PTPN2: variants seen among roughly 807,000 people sequenced by gnomAD.
The protein encoded by PTPN2 is tyrosine-protein phosphatase non-receptor type 2.
In PTPN2, 19 loss-of-function variants were observed where a neutral mutation model predicts 57.3. The ratio of observed to expected loss-of-function variants is 0.33; its 90% CI spans 0.23 to 0.49. PTPN2 has a LOEUF of 0.49. PTPN2 is among the 20% of genes least tolerant of loss of function. The pLI, the probability that PTPN2 is intolerant of heterozygous loss-of-function variation, is 0.99. For missense variants in PTPN2, 358 were observed against 501.1 expected (o/e 0.71, Z 2.73); for synonymous variants, 153 against 164.9 (o/e 0.93, Z 0.55).
At chr18:12,862,159 T>TC (rs1450731165) in intron 1 of PTPN2, 1 of 151,576 alleles carries the variant, frequency 6.6e-6, no homozygotes, top group Non-Finnish European at 1.5e-5. Context: ...TCTCTTTCTT[T>TC]TTTTTTTTTT....
downstream of PTPN2, among the ~76,000 whole-genome samples, chr18:12,788,432 C>CTTTTTTT (rs71174142): frequency 0.21 from 18,432 of 89,700 alleles, 3,160 homozygotes; most frequent in South Asian, 0.4. Context: ...GGGATCAGGG[C>CTTTTTTT]TTTTTTTTTT....
intron 2 of PTPN2, among the ~76,000 whole-genome samples, chr18:12,842,558 G>A (rs1185759684): frequency 2.0e-5 from 3 of 152,230 alleles, no homozygotes; most frequent in East Asian, 1.9e-4. Context: ...TCAGTCTCAC[G>A]GATATTTTAG....
downstream of PTPN2, among the ~76,000 whole-genome samples, chr18:12,790,452 T>A (rs1346823187): frequency 2.0e-5 from 3 of 152,236 alleles, no homozygotes; most frequent in Non-Finnish European, 4.4e-5. Flanking sequence ...GCAGTCTTCC[T>A]TTGATAATTA....
chr18:12,841,007 A>T, intron 2 of PTPN2: 1 of 1,405,596 alleles, frequency 7.1e-7, no homozygotes, highest in Non-Finnish European at 9.3e-7. Context: ...ACATATTTTA[A>T]CCTATAGGGA....
intron 1 of PTPN2, among the ~76,000 whole-genome samples, chr18:12,872,048 C>CAA (rs61356876): frequency 3.5e-4 from 42 of 121,430 alleles, no homozygotes; most frequent in Non-Finnish European, 4.9e-4. Flanking sequence ...GACTCTGTCT[C>CAA]AAAAAAAAAA....
At chr18:12,870,307 A>G (rs2044158777) in intron 1 of PTPN2, among the ~76,000 whole-genome samples, 2 of 84,944 alleles carry the variant, frequency 2.4e-5, no homozygotes, top group African/African-American at 1.4e-4. Context: ...ATGTGTATAT[A>G]TACATATATA....
rs149723256 is a variant in PTPN2, at chr18:12,836,771, C to T, written c.261+20G>A. 9.1e-4 allele frequency: 1,285 copies of T among 1,419,138 alleles called. 9 individuals are homozygous for T. In the African/African-American group the frequency reaches 0.016, roughly 18 times the overall value. The allele number at this position is 1,419,138 out of a possible 1,614,324, so 87.9% of individuals were successfully genotyped here. A position where few individuals can be genotyped will look rare whatever the true frequency, so the allele number is the denominator to read the frequency against. ...CAAACACATCATTTTCAGACATTTG[C>T]GTGGTATCGTATTACTTGCCTGTGT... On this transcript the variant is annotated intron_variant, in intron 3 of 8. Transcript: ENST00000309660.
At chr18:12,870,409 A>G (rs2044193938) in intron 1 of PTPN2, among the ~76,000 whole-genome samples, 1 of 80,704 alleles carries the variant, frequency 1.2e-5, no homozygotes, top group Non-Finnish European at 2.1e-5. Flanking sequence ...ATACACGTAT[A>G]TATATGTATA....
chr18:12,873,949 G>C (rs1220352236), intron 1 of PTPN2, among the ~76,000 whole-genome samples: 3 of 149,780 alleles, frequency 2.0e-5, no homozygotes, highest in Admixed American at 6.6e-5. Context: ...GACCCCGTCT[G>C]GGAGGTGAGG....
At chr18:12,840,243 A>G (rs1165089333) in intron 2 of PTPN2, among the ~76,000 whole-genome samples, 1 of 152,336 alleles carries the variant, frequency 6.6e-6, no homozygotes, top group East Asian at 1.9e-4. Flanking sequence ...AAGAACTCAA[A>G]GCATTTTCTA....
At chr18:12,821,351 T>C (rs1056164731) in intron 5 of PTPN2, 3 of 152,230 alleles carry the variant, frequency 2.0e-5, no homozygotes, top group African/African-American at 7.2e-5. Flanking sequence ...GCCTTTATTG[T>C]GGCCCCTAGA....
At chr18:12,822,514 T>C (rs1489879330) in intron 5 of PTPN2, among the ~76,000 whole-genome samples, 1 of 152,198 alleles carries the variant, frequency 6.6e-6, no homozygotes, top group Non-Finnish European at 1.5e-5. Flanking sequence ...TTCAAACTTT[T>C]AGCTTTAAGT....
At chr18:12,854,653 A>T (rs1173791512) in intron 2 of PTPN2, among the ~76,000 whole-genome samples, 1 of 152,128 alleles carries the variant, frequency 6.6e-6, no homozygotes, top group African/African-American at 2.4e-5. Context: ...TAGACAGAAA[A>T]GTCCACGACT....
intron 1 of PTPN2, among the ~76,000 whole-genome samples, chr18:12,880,960 A>G (rs1250955226): frequency 6.6e-6 from 1 of 152,320 alleles, no homozygotes; most frequent in Middle Eastern, 3.4e-3. Flanking sequence ...AAACTTGTAC[A>G]TAACGTATAC....
At chr18:12,855,751 C>T (rs1466590146) in intron 2 of PTPN2, among the ~76,000 whole-genome samples, 2 of 152,054 alleles carry the variant, frequency 1.3e-5, no homozygotes, top group African/African-American at 2.4e-5. Context: ...GCCCAAAGTG[C>T]AGAGAGGATG....
chr18:12,859,285 C>G, intron 1 of PTPN2, 31 bp from the exon 2 acceptor site: 1 of 1,447,332 alleles, frequency 6.9e-7, no homozygotes, highest in Non-Finnish European at 9.6e-7. Context: ...TTTTAATATC[C>G]CTCTTAAATT....
At chr18:12,827,355 A>AT (rs1287213352) in intron 4 of PTPN2, among the ~76,000 whole-genome samples, 3,436 of 143,352 alleles carry the variant, frequency 0.024, 57 homozygotes, top group African/African-American at 0.042. Context: ...AAAAAAAAAA[A>AT]AATAATAATA....
At chr18:12,799,878 G>C (rs2145240466) in intron 8 of PTPN2, among the ~76,000 whole-genome samples, 1 of 152,220 alleles carries the variant, frequency 6.6e-6, no homozygotes, top group Non-Finnish European at 1.5e-5. Context: ...TGATCCACCT[G>C]CCTTGACCTC....
intron 7 of PTPN2, among the ~76,000 whole-genome samples, chr18:12,807,605 A>AT (rs1555660843): frequency 6.3e-5 from 7 of 110,498 alleles, no homozygotes; most frequent in African/African-American, 1.2e-4. Context: ...ATATATATAT[A>AT]ATATAATACT....
Sources: gnomAD v4.1 joint callset for allele counts (sites outside exome capture counted in the v4.1 genomes callset) on GRCh38, gnomAD v4.1.1 for gene constraint, MANE v1.5 for transcripts, NCBI Gene and HGNC (gene_info 2026-07-23, HGNC 2026-07-21) for gene names.